NFATC1: variants seen among roughly 807,000 people sequenced by gnomAD.
NFATC1 encodes nuclear factor of activated T cells 1.
In NFATC1, 22 loss-of-function variants were observed where a neutral mutation model predicts 76.0. The observed-to-expected ratio is 0.29, with a 90% CI of 0.21 to 0.41. The LOEUF (loss-of-function observed/expected upper bound fraction) is 0.41, where lower values mean the gene tolerates loss of function less well. NFATC1 is among the 10% of genes least tolerant of loss of function. The pLI is 1.00. For synonymous variants in NFATC1, 704 were observed against 613.1 expected, an observed-to-expected ratio of 1.15 and a Z score of -2.19; for missense variants, 1,357 against 1,337.7, an observed-to-expected ratio of 1.01 and a Z score of -0.23.
At chr18:79,435,083 C>T (rs966907834) in intron 3 of NFATC1, among the ~76,000 whole-genome samples, 2 of 152,162 alleles carry the variant, frequency 1.3e-5, no homozygotes, top group African/African-American at 2.4e-5. Flanking sequence ...TGACCGAAAG[C>T]TTGTTATTGC....
rs1229725085 is a variant in NFATC1, at chr18:79,426,127, G to A, written c.1227-7452G>A. 3.9e-5 allele frequency among the ~76,000 whole-genome samples: 6 copies of A among 152,252 alleles called. No homozygotes were observed. The East Asian group carries it at 1.2e-3, about 29-fold the overall frequency. On this transcript the variant is annotated intron_variant, in intron 2 of 9. Transcript: ENST00000427363. ...CGGGAGGCTGAGGTGGGAGGATCCC[G>A]TGAGGCCACTGCACTCTAGCCTGGG...
At chr18:79,433,857 T>C in intron 3 of NFATC1, 119 bp downstream of exon 3, 1 of 1,311,626 alleles carries the variant, frequency 7.6e-7, no homozygotes, top group Non-Finnish European at 1.0e-6. Context: ...TGCTCTGTCG[T>C]GGTTAGTCCC....
chr18:79,414,539 T>C (rs1344928636), intron 2 of NFATC1, among the ~76,000 whole-genome samples: 1 of 152,186 alleles, frequency 6.6e-6, no homozygotes, highest in Non-Finnish European at 1.5e-5. Context: ...GATACTGAAT[T>C]CTTGCTGCAA....
chr18:79,419,892 T>C (rs1326885630), intron 2 of NFATC1, among the ~76,000 whole-genome samples: 1 of 152,246 alleles, frequency 6.6e-6, no homozygotes, highest in Non-Finnish European at 1.5e-5. Context: ...AAACCAGATC[T>C]TAAGTGCAAA....
chr18:79,482,655 A>C (rs1416431803), intron 8 of NFATC1, among the ~76,000 whole-genome samples: 21 of 108,416 alleles, frequency 1.9e-4, no homozygotes, highest in Admixed American at 3.9e-4. Context: ...CCTGGGGTGT[A>C]ATTCCAGCGT....
At position 79,411,197 on chromosome 18, in the gene NFATC1, A is replaced by G. The variant is rs764193594; in HGVS notation, c.922A>G (p.Thr308Ala). Residue 308 changes from threonine to alanine, a missense_variant, in exon 2 of 10, where the codon ACC (threonine) becomes GCC (alanine). Coordinates refer to ENST00000427363, the MANE Select transcript of NFATC1 (RefSeq NM_001278669.2). ...GTGGTTGGGCAACACCACCCAGTAC[A>G]CCAGCTCGGCCATCGTGGCCGCCAT... ...DSWLGNTTQY[T>A]SSAIVAAINA... 1.2e-6 allele frequency: 2 copies of G among 1,610,408 alleles called. No homozygotes were observed. The highest frequency in any genetic ancestry group is 1.7e-5 in the Admixed American group (1 of 60,012).
At chr18:79,507,788 G>T (rs115948538) in intron 9 of NFATC1, among the ~76,000 whole-genome samples, 28 of 152,260 alleles carry the variant, frequency 1.8e-4, no homozygotes, top group Admixed American at 1.8e-3. Context: ...GTTAGTGAGC[G>T]CATTCGCATC....
rs140357862 is a variant in NFATC1, at chr18:79,464,648, TTG to T, written c.1960-2780_1960-2779del. On this transcript the variant is annotated intron_variant, in intron 7 of 9. Coordinates refer to ENST00000427363, the MANE Select transcript of NFATC1 (RefSeq NM_001278669.2). Reference sequence around the variant, plus strand: ...TACATTATATTGTGGATATATGTGTTTGTGTGTGTGTGTGTGTGTGTGTATAT... The same window carrying T: ...TACATTATATTGTGGATATATGTGTTTGTGTGTGTGTGTGTGTGTGTATAT... Among the ~76,000 whole-genome samples the T allele has an allele frequency of 2.5e-3, 333 of 131,478 alleles. 10 individuals are homozygous for T. Among genetic ancestry groups the T allele is most frequent in the Middle Eastern group, 3.9e-3 (1 of 256 alleles). The allele number at this position is 131,478 out of a possible 152,430, so 86.3% of individuals were successfully genotyped here.
chr18:79,444,729 G>A (rs549701608), intron 3 of NFATC1, among the ~76,000 whole-genome samples: 3 of 143,612 alleles, frequency 2.1e-5, no homozygotes, highest in Non-Finnish European at 4.4e-5. Flanking sequence ...AGGCACCCCC[G>A]TGGGCACACA....
At chr18:79,473,969 G>A (rs932095443) in intron 8 of NFATC1, among the ~76,000 whole-genome samples, 6 of 141,370 alleles carry the variant, frequency 4.2e-5, no homozygotes, top group Admixed American at 7.0e-5. Flanking sequence ...GTGTTCTCGC[G>A]CTCACTGTCG....
At chr18:79,502,469 G>A (rs1324385398) in intron 9 of NFATC1, among the ~76,000 whole-genome samples, 1 of 152,122 alleles carries the variant, frequency 6.6e-6, no homozygotes. Flanking sequence ...ATAAAAACTT[G>A]ATAAATGGAA....
chr18:79,405,423 G>A (rs1171622013), intron 1 of NFATC1, among the ~76,000 whole-genome samples: 1 of 152,246 alleles, frequency 6.6e-6, no homozygotes, highest in Admixed American at 6.5e-5. Flanking sequence ...CGTCAAGAAA[G>A]TTACTGGGAA....
At chr18:79,463,422 C>T (rs1394428798) in intron 7 of NFATC1, among the ~76,000 whole-genome samples, 2 of 152,320 alleles carry the variant, frequency 1.3e-5, no homozygotes, top group East Asian at 1.9e-4. Flanking sequence ...GCTGCTGTAC[C>T]GGCCTCTCCT....
intron 9 of NFATC1, 133 bp downstream of exon 9, chr18:79,487,070 G>A (rs905316359): frequency 2.3e-5 from 24 of 1,063,180 alleles, no homozygotes; most frequent in Middle Eastern, 5.6e-4. Context: ...TGTGGGGTGC[G>A]TCCTCCTGAT....
chr18:79,488,863 T>C (rs991988570), intron 9 of NFATC1, among the ~76,000 whole-genome samples: 1 of 151,720 alleles, frequency 6.6e-6, no homozygotes, highest in Admixed American at 6.6e-5. Context: ...GGTAGTGCCC[T>C]GCAGGCCCAG....
intron 9 of NFATC1, among the ~76,000 whole-genome samples, chr18:79,523,156 T>A (rs2090660093): frequency 6.6e-6 from 1 of 152,244 alleles, no homozygotes; most frequent in Admixed American, 6.5e-5. Context: ...CAGGGCTGCA[T>A]AACTGCTGGG....
At position 79,528,326 on chromosome 18, in the gene NFATC1, A is replaced by G. The variant is rs2090821157; in HGVS notation, c.*749A>G. On this transcript the variant is annotated 3_prime_UTR_variant, in exon 10 of 10. Coordinates refer to ENST00000427363, the MANE Select transcript of NFATC1 (RefSeq NM_001278669.2). ...ATAGCACATCAATAGGTTACTGGAC[A>G]AAAGCAGAAAAACCTGTTACAGGAT... The G allele has an allele frequency of 6.0e-6, 1 of 165,798 alleles. No individual in the cohort carries two copies. The highest frequency in any genetic ancestry group is 6.4e-5 in the Admixed American group (1 of 15,634). The allele number at this position is 165,798 out of a possible 1,614,324, so 10.3% of individuals were successfully genotyped here.
At chr18:79,472,164 G>C (rs1274184884) in intron 8 of NFATC1, among the ~76,000 whole-genome samples, 1 of 152,148 alleles carries the variant, frequency 6.6e-6, no homozygotes, top group Non-Finnish European at 1.5e-5. Flanking sequence ...GGGGGCGGGG[G>C]GCGGCTGTGA....
At chr18:79,488,300 G>T (rs777157731) in intron 9 of NFATC1, among the ~76,000 whole-genome samples, 62 of 10,356 alleles carry the variant, frequency 6.0e-3, no homozygotes, top group Non-Finnish European at 0.012. Flanking sequence ...AGCCCTGGTT[G>T]TGTGTGTGTG....
Sources: gnomAD v4.1 joint callset for allele counts (sites outside exome capture counted in the v4.1 genomes callset) on GRCh38, gnomAD v4.1.1 for gene constraint, MANE v1.5 for transcripts, NCBI Gene and HGNC (gene_info 2026-07-23, HGNC 2026-07-21) for gene names.